The following KLKB1 variants were observed in gnomAD, a reference collection of about 807,000 sequenced individuals.
KLKB1 encodes kallikrein B1.
KLKB1 carries 58 observed loss-of-function variants against 73.6 expected under a neutral mutation model. The ratio of observed to expected loss-of-function variants is 0.79; its 90% CI spans 0.64 to 0.98. The LOEUF (loss-of-function observed/expected upper bound fraction) is 0.98, where lower values mean the gene tolerates loss of function less well. Among genes scored for constraint, KLKB1 ranks in the 50% least tolerant of loss-of-function variants. The pLI, the probability that KLKB1 is intolerant of heterozygous loss-of-function variation, is 0.00. For synonymous variants in KLKB1, 280 were observed against 258.1 expected (o/e 1.08, Z -0.81); for missense variants, 737 against 763.8 (o/e 0.96, Z 0.41).
chr4:186,217,920 G>T (rs976018520), intron 2 of KLKB1, among the ~76,000 whole-genome samples: 21 of 152,192 alleles, frequency 1.4e-4, no homozygotes, highest in African/African-American at 5.1e-4. Flanking sequence ...TAAAGTCTAT[G>T]TCAGAAGTGT....
intron 6 of KLKB1, among the ~76,000 whole-genome samples, chr4:186,246,576 T>C (rs536187828): frequency 6.6e-6 from 1 of 152,282 alleles, no homozygotes; most frequent in Admixed American, 6.5e-5. Flanking sequence ...ATAAGGCATT[T>C]AGGTTTTAGG....
intron 4 of KLKB1, among the ~76,000 whole-genome samples, chr4:186,235,350 T>TTTTCTAACTTCATCACC (rs57182850): frequency 0.59 from 89,094 of 151,690 alleles, 27,004 homozygotes; most frequent in African/African-American, 0.74. Flanking sequence ...TTTAATGTTT[T>TTTTCTAACTTCATCACC]TTAAAGTGAA....
chr4:186,233,382 A>G (rs1264103609), intron 3 of KLKB1, among the ~76,000 whole-genome samples: 1 of 152,240 alleles, frequency 6.6e-6, no homozygotes, highest in Non-Finnish European at 1.5e-5. Context: ...TTTACCAACT[A>G]GAAATTGGAT....
At chr4:186,240,119 GACA>G (rs1737939554) in intron 6 of KLKB1, among the ~76,000 whole-genome samples, 1 of 121,046 alleles carries the variant, frequency 8.3e-6, no homozygotes, top group Non-Finnish European at 1.9e-5. Flanking sequence ...AGTGATATAG[GACA>G]GTGATACTGT....
chr4:186,214,164 A>G (rs1390954176), intron 2 of KLKB1, among the ~76,000 whole-genome samples: 1 of 152,216 alleles, frequency 6.6e-6, no homozygotes, highest in Non-Finnish European at 1.5e-5. Context: ...AATCAGCAAT[A>G]GAACCTCTGG....
intron 6 of KLKB1, among the ~76,000 whole-genome samples, chr4:186,249,667 TAG>T (rs1409167376): frequency 1.3e-5 from 2 of 152,206 alleles, no homozygotes; most frequent in East Asian, 1.9e-4. Flanking sequence ...AGGATTTTGA[TAG>T]AGAGTGCATT....
At position 186,245,811 on chromosome 4, in the gene KLKB1, TGTTTG is replaced by T. The variant is rs1221039395; in HGVS notation, c.599-4431_599-4427del. Among the ~76,000 whole-genome samples, 358 of 113,658 alleles carry T rather than the reference TGTTTG, an allele frequency of 3.1e-3. 52 individuals carry two copies. The highest frequency in any genetic ancestry group is 5.1e-3 in the East Asian group (18 of 3,540). The allele number at this position is 113,658 out of a possible 152,430, so 74.6% of individuals were successfully genotyped here. On this transcript the variant is annotated intron_variant, in intron 6 of 14. Coordinates refer to ENST00000264690, the MANE Select transcript of KLKB1 (RefSeq NM_000892.5). ...GAATCTAATTTTTGGAGTTTTTTTT[TGTTTG>T]TTTTTTGGTTTTTTTTTTTTAATGT...
In KLKB1 at chr4:186,251,843, A is replaced by G. The variant is rs1204020400; in HGVS notation, c.1126A>G (p.Asn376Asp). 2 of 1,613,142 alleles carry G rather than the reference A, an allele frequency of 1.2e-6. No individual in the cohort carries two copies. Among genetic ancestry groups the G allele is most frequent in the Non-Finnish European group, 1.7e-6 (2 of 1,179,440 alleles). Residue 376 changes from asparagine (N) to aspartate (D), a missense_variant, in exon 10 of 15, where the codon AAC (asparagine) becomes GAC (aspartate). By Grantham distance (23) the Asn-to-Asp change is conservative (BLOSUM62 1). Transcript: ENST00000264690. ...GSSGYSLRLC[N>D]TGDNSVCTTK... is the part of the protein sequence containing the mutation. ...CTCTGGTTACTCTTTGAGATTGTGT[A>G]ACACTGGGGACAACTCTGGTGAGTA...
At chr4:186,249,293 C>A (rs1738544730) in intron 6 of KLKB1, among the ~76,000 whole-genome samples, 2 of 152,190 alleles carry the variant, frequency 1.3e-5, no homozygotes, top group Non-Finnish European at 2.9e-5. Context: ...TTAGCTCTTA[C>A]ATTTAGGCAT....
At position 186,236,918 on chromosome 4, in the gene KLKB1, A is replaced by G; in HGVS notation, c.466A>G (p.Thr156Ala). The G allele has an allele frequency of 6.2e-7, 1 of 1,614,148 alleles. No homozygotes were observed. The highest frequency in any genetic ancestry group is 8.5e-7 in the Non-Finnish European group (1 of 1,180,026). The change falls in exon 5 of 15, where the codon ACA becomes GCA. Residue 156 changes from threonine to alanine, a missense_variant. Thr to Ala is a moderately conservative substitution (Grantham distance 58). Transcript: ENST00000264690. ...RCQFFSYATQ[T>A]FHKAEYRNNC... The stretch of plus-strand genomic sequence containing the variant: ...CCAGTTTTTTTCATATGCCACGCAA[A>G]CATTTCACAAGGCAGAGTACCGGTG...
Position 186,252,009 on chromosome 4 carries a change from CTT to C in KLKB1, c.1145-5_1145-4del, listed in dbSNP as rs1738705431. The stretch of plus-strand genomic sequence containing the variant: ...TTCCAACCATTAGCGTCAACGCTCT[CTT>C]TTCAGTCTGCACAACAAAAACAAGC... On this transcript the variant is annotated splice_region_variant and splice_polypyrimidine_tract_variant and intron_variant, in intron 10 of 14. Coordinates refer to ENST00000264690, the MANE Select transcript of KLKB1 (RefSeq NM_000892.5). 6.2e-7 allele frequency: 1 copy of C among 1,614,162 alleles called. No homozygotes were observed. The highest frequency in any genetic ancestry group is 8.5e-7 in the Non-Finnish European group (1 of 1,179,996).
chr4:186,257,316 A>C lies in KLKB1; in HGVS notation c.1676A>C (p.Gln559Pro), dbSNP rs561391447. 1 of 1,606,138 alleles carries C rather than the reference A, an allele frequency of 6.2e-7. No homozygotes were observed. Residue 559 changes from glutamine to proline, a missense_variant, in exon 14 of 15, where the codon CAA (glutamine) becomes CCA (proline). By Grantham distance (76) the Gln-to-Pro change is moderately conservative (BLOSUM62 -1). Coordinates refer to ENST00000264690, the MANE Select transcript of KLKB1 (RefSeq NM_000892.5). ...AGATATCAAGATTATAAAATAACCCAACGGATGGTCTGTGCTGGCTATAAA... is the reference window on the plus strand; with the variant it reads ...AGATATCAAGATTATAAAATAACCCCACGGATGGTCTGTGCTGGCTATAAA... Reference protein sequence around the residue: ...QKRYQDYKITQRMVCAGYKEG... With the variant: ...QKRYQDYKITPRMVCAGYKEG...
intron 14 of KLKB1, among the ~76,000 whole-genome samples, chr4:186,257,777 G>C (rs953474000): frequency 2.7e-5 from 4 of 148,268 alleles, no homozygotes; most frequent in African/African-American, 9.8e-5. Context: ...GTGTGTGTGT[G>C]TGTCTGGCAA....
At chr4:186,256,560 C>T (rs1443265045) in intron 13 of KLKB1, among the ~76,000 whole-genome samples, 1 of 152,130 alleles carries the variant, frequency 6.6e-6, no homozygotes, top group African/African-American at 2.4e-5. Flanking sequence ...GTCTTTTGTT[C>T]AAGTAATTCA....
chr4:186,217,612 G>A (rs978208777), intron 2 of KLKB1, among the ~76,000 whole-genome samples: 1 of 152,120 alleles, frequency 6.6e-6, no homozygotes, highest in Non-Finnish European at 1.5e-5. Flanking sequence ...TCAAAGAATA[G>A]AAAACAAAGG....
At chr4:186,238,560 C>T (rs1450261648) in intron 6 of KLKB1, among the ~76,000 whole-genome samples, 195 bp downstream of exon 6, 2 of 152,138 alleles carry the variant, frequency 1.3e-5, no homozygotes, top group African/African-American at 4.8e-5. Context: ...AATGTACTCA[C>T]AGGGTTGAGT....
At chr4:186,238,213 T>C in intron 5 of KLKB1, 43 bp from the exon 6 acceptor site, 1 of 1,319,230 alleles carries the variant, frequency 7.6e-7, no homozygotes, top group Non-Finnish European at 1.1e-6. Context: ...TCCCTGCCCC[T>C]CAAAGTGCAG....
chr4:186,215,423 TTCTCTCTCTC>T (rs894772939), intron 2 of KLKB1, among the ~76,000 whole-genome samples: 1 of 102,240 alleles, frequency 9.8e-6, no homozygotes, highest in Non-Finnish European at 2.2e-5. Flanking sequence ...CTCTCTTGCT[TTCTCTCTCTC>T]TCTCCTTGCT....
At chr4:186,222,266 A>G (rs1737049039), upstream of KLKB1, among the ~76,000 whole-genome samples, 1 of 152,194 alleles carries the variant, frequency 6.6e-6, no homozygotes, top group South Asian at 2.1e-4. Context: ...TAAAGTAATT[A>G]TTGGTAGGTA....
Sources: gnomAD v4.1 joint callset for allele counts (sites outside exome capture counted in the v4.1 genomes callset) on GRCh38, gnomAD v4.1.1 for gene constraint, MANE v1.5 for transcripts, NCBI Gene and HGNC (gene_info 2026-07-23, HGNC 2026-07-21) for gene names.